The following STK32B variants were observed in gnomAD, a reference collection of about 807,000 sequenced individuals.
STK32B encodes the protein serine/threonine-protein kinase 32B.
Under a neutral mutation model 52.6 loss-of-function variants are expected in STK32B, and 43 were observed. That is an observed-to-expected ratio of 0.82 (90% CI 0.64 to 1.05). The LOEUF (loss-of-function observed/expected upper bound fraction) is 1.05. Among genes scored for constraint, STK32B ranks in the 50% least tolerant of loss-of-function variants. The probability of loss-of-function intolerance (pLI) is 0.00; values close to 1 mark genes in which losing one functional copy is unlikely to be tolerated. For synonymous variants in STK32B, 238 were observed against 204.3 expected (o/e 1.17, Z -1.41); for missense variants, 621 against 534.6 (o/e 1.16, Z -1.59).
chr4:5,333,731 G>A (rs1050424591), intron 4 of STK32B, among the ~76,000 whole-genome samples: 1 of 152,254 alleles, frequency 6.6e-6, no homozygotes, highest in East Asian at 1.9e-4. Context: ...TATTAAATAG[G>A]GAATCCTTTC....
rs913074597 is a variant in STK32B at position 5,470,880 on chromosome 4, C to A, written c.1106+2810C>A. Reference sequence around the variant, plus strand: ...AAATTAAATCGAGCACCTTCTTCCCCACTTGAGCAGTGTAGTGAGTCGAGG... The same window carrying A: ...AAATTAAATCGAGCACCTTCTTCCCAACTTGAGCAGTGTAGTGAGTCGAGG... On this transcript the variant is annotated intron_variant, in intron 11 of 11. Transcript: ENST00000282908. The surrounding 1 kb of genome is among the most constrained non-coding windows in gnomAD (Gnocchi z 4.6). 6.6e-6 allele frequency among the ~76,000 whole-genome samples: 1 copy of A among 152,248 alleles called. No homozygotes were observed. The highest frequency in any genetic ancestry group is 2.4e-5 in the African/African-American group (1 of 41,472).
rs555019697 is a variant in STK32B, at chr4:5,453,937, C to G, written c.667-2870C>G. 6.6e-6 allele frequency among the ~76,000 whole-genome samples: 1 copy of G among 152,122 alleles called. No individual in the cohort carries two copies. The highest frequency in any genetic ancestry group is 2.1e-4 in the South Asian group (1 of 4,808). On this transcript the variant is annotated intron_variant, in intron 7 of 11. Coordinates refer to ENST00000282908, the MANE Select transcript of STK32B (RefSeq NM_018401.3). This position sits in a 1 kb window ranked among gnomAD's most constrained non-coding sequence, Gnocchi z 4.0. The stretch of plus-strand genomic sequence containing the variant: ...AAGAAGTCCAAAACTGAACTCAGCC[C>G]CAGCTCATCTCCCAGTGGTAGCCCT...
intron 7 of STK32B, among the ~76,000 whole-genome samples, chr4:5,451,073 G>A (rs1313868357): frequency 2.6e-5 from 4 of 152,198 alleles, no homozygotes; most frequent in Non-Finnish European, 1.5e-5. Flanking sequence ...GCAGGGTCAT[G>A]TGAGATTACA....
chr4:5,026,799 G>A, the STK32B span, among the ~76,000 whole-genome samples: 1 of 152,170 alleles, frequency 6.6e-6, no homozygotes, highest in African/African-American at 2.4e-5. Context: ...GGCTGAAATG[G>A]ACATCACCAT....
intron 3 of STK32B, among the ~76,000 whole-genome samples, chr4:5,173,667 G>C (rs922516468): frequency 3.9e-5 from 6 of 152,236 alleles, no homozygotes; most frequent in Admixed American, 1.3e-4. Flanking sequence ...TGGTCTGAGA[G>C]ACAGTTTGTT....
intron 2 of STK32B, among the ~76,000 whole-genome samples, chr4:5,152,218 C>T (rs570519288): frequency 4.6e-5 from 7 of 152,160 alleles, no homozygotes; most frequent in Non-Finnish European, 8.8e-5. Context: ...AACAGATATA[C>T]GAGGTGGGTG....
intron 1 of STK32B, among the ~76,000 whole-genome samples, chr4:5,083,037 G>C (rs996237634): frequency 2.0e-5 from 3 of 152,094 alleles, no homozygotes; most frequent in African/African-American, 7.2e-5. Flanking sequence ...TGTTGGCTTT[G>C]TTATTTCCAT....
intron 3 of STK32B, among the ~76,000 whole-genome samples, chr4:5,253,737 G>A (rs889116977): frequency 6.6e-6 from 1 of 152,110 alleles, no homozygotes; most frequent in Non-Finnish European, 1.5e-5. Context: ...TGTACATAGA[G>A]TTAACACTAC....
In STK32B at chr4:5,372,774, C is replaced by T. The variant is rs147947220; in HGVS notation, c.435-25433C>T. Among the ~76,000 whole-genome samples, 237 of 151,820 alleles carry T rather than the reference C, an allele frequency of 1.6e-3. 2 individuals carry two copies. Among genetic ancestry groups the T allele is most frequent in the South Asian group, 0.012 (57 of 4,796 alleles). ...TAGGTCCAGCTCTTCCTTTCTGCCA[C>T]GCATCAGTATTTCTTTCTTGAATTC... On this transcript the variant is annotated intron_variant, in intron 4 of 11. Coordinates refer to ENST00000282908, the MANE Select transcript of STK32B (RefSeq NM_018401.3).
At chr4:5,316,885 T>TATAAA (rs1730914493) in intron 3 of STK32B, among the ~76,000 whole-genome samples, 2 of 8,186 alleles carry the variant, frequency 2.4e-4, no homozygotes, top group East Asian at 0.016. Context: ...TAATATATTA[T>TATAAA]ATATATTATA....
intron 7 of STK32B, among the ~76,000 whole-genome samples, chr4:5,450,230 C>T (rs1715864411): frequency 1.3e-5 from 2 of 152,200 alleles, no homozygotes; most frequent in South Asian, 2.1e-4. Context: ...CAAGTAGGGG[C>T]CACTCCCCAG....
intron 5 of STK32B, among the ~76,000 whole-genome samples, chr4:5,412,964 C>G (rs184016968): frequency 1.2e-3 from 185 of 152,268 alleles, no homozygotes; most frequent in Non-Finnish European, 3.2e-4. Context: ...TTCCTGAGCT[C>G]CTTTCCTACT....
chr4:5,044,476 C>G, the STK32B span, among the ~76,000 whole-genome samples: 1 of 152,140 alleles, frequency 6.6e-6, no homozygotes, highest in Non-Finnish European at 1.5e-5. Flanking sequence ...GGGATCCAGC[C>G]CCACCCTCAG....
chr4:5,168,386 C>A lies in STK32B; in HGVS notation c.196C>A (p.Arg66=). 2.5e-6 allele frequency: 4 copies of A among 1,613,806 alleles called. No individual in the cohort carries two copies. The highest frequency in any genetic ancestry group is 3.3e-4 in the Middle Eastern group (2 of 6,060). ...KQKCIERDEV[R]NVFRELQIMQ... ...GAAGTGCATCGAGAGGGATGAGGTT[C>A]GGAATGTTTTCCGGGAGCTGCAGAT... The change falls in exon 3 of 12, where the codon CGG becomes AGG. Residue 66 remains arginine (R), a synonymous_variant. Coordinates refer to ENST00000282908, the MANE Select transcript of STK32B (RefSeq NM_018401.3).
intron 7 of STK32B, among the ~76,000 whole-genome samples, chr4:5,454,244 C>G (rs1160480561): frequency 6.6e-6 from 1 of 151,516 alleles, no homozygotes; most frequent in African/African-American, 2.4e-5. Flanking sequence ...CTGTTCATTA[C>G]CTGTGATGGC....
At chr4:5,166,550 G>C (rs893723586) in intron 2 of STK32B, among the ~76,000 whole-genome samples, 1 of 150,070 alleles carries the variant, frequency 6.7e-6, no homozygotes, top group Non-Finnish European at 1.5e-5. Context: ...CAGAGACGTA[G>C]GGGAGGATGC....
chr4:5,295,938 C>T (rs1729170899), intron 3 of STK32B, among the ~76,000 whole-genome samples: 1 of 152,000 alleles, frequency 6.6e-6, no homozygotes, highest in Non-Finnish European at 1.5e-5. Flanking sequence ...ACTGCTTTAA[C>T]TGTCTCCCAG....
At chr4:5,193,088 C>G (rs956901348) in intron 3 of STK32B, among the ~76,000 whole-genome samples, 1 of 152,158 alleles carries the variant, frequency 6.6e-6, no homozygotes, top group Non-Finnish European at 1.5e-5. Context: ...CTTTATAAGG[C>G]CTGGCTGCCC....
At chr4:5,464,689 G>T (rs547893638) in intron 9 of STK32B, among the ~76,000 whole-genome samples, 2 of 152,298 alleles carry the variant, frequency 1.3e-5, no homozygotes, top group South Asian at 2.1e-4. Context: ...CTTCACACCA[G>T]TCCTGGGCAG....
Sources: allele counts gnomAD v4.1 joint callset (sites outside exome capture counted in the v4.1 genomes callset), GRCh38; gene constraint gnomAD v4.1.1; non-coding constraint Gnocchi (gnomAD v3.1); transcripts MANE v1.5; gene names NCBI Gene and HGNC (gene_info 2026-07-23, HGNC 2026-07-21).